PEX2: variants seen among roughly 807,000 people sequenced by gnomAD.
PEX2 encodes peroxisomal biogenesis factor 2, also known as peroxisome biogenesis factor 2.
PEX2 carries 19 observed loss-of-function variants against 25.2 expected under a neutral mutation model. The observed-to-expected ratio is 0.75, with a 90% confidence interval of 0.53 to 1.10. PEX2 has a LOEUF of 1.10. Among genes scored for constraint, PEX2 ranks in the 50% least tolerant of loss-of-function variants. The pLI is 0.00. For synonymous variants in PEX2, 141 were observed against 127.7 expected, an observed-to-expected ratio of 1.10 and a Z score of -0.70; for missense variants, 347 against 350.6, an observed-to-expected ratio of 0.99 and a Z score of 0.08.
Position 76,982,888 on chromosome 8 carries a change from T to C in PEX2, c.*373A>G, listed in dbSNP as rs540996249. The C allele has an allele frequency of 3.6e-6, 1 of 278,656 alleles. No individual in the cohort carries two copies. Among genetic ancestry groups the C allele is most frequent in the African/African-American group, 2.3e-5 (1 of 44,028 alleles). The allele number at this position is 278,656 out of a possible 1,614,324, so 17.3% of individuals were successfully genotyped here. A position where few individuals can be genotyped will look rare whatever the true frequency, so the allele number is the denominator to read the frequency against. On this transcript the variant is annotated 3_prime_UTR_variant, in exon 4 of 4. Coordinates refer to ENST00000357039, the MANE Select transcript of PEX2 (RefSeq NM_000318.3). Reference sequence around the variant, plus strand: ...TCTCATAATTGTCACATTATCATATTATGTCAACTCTGAAAATAAATGCAC... The same window carrying C: ...TCTCATAATTGTCACATTATCATATCATGTCAACTCTGAAAATAAATGCAC...
In PEX2 at chr8:76,984,147, G is replaced by T. The variant is rs1806935405; in HGVS notation, c.32C>A (p.Ala11Glu). 6.2e-7 allele frequency: 1 copy of T among 1,614,044 alleles called. No individual in the cohort carries two copies. Among genetic ancestry groups the T allele is most frequent in the Admixed American group, 1.7e-5 (1 of 60,004 alleles). The change falls in exon 4 of 4, where the codon GCA (alanine) becomes GAA (glutamate). Residue 11 changes from alanine to glutamate, a missense_variant. Transcript: ENST00000357039. ...CTGGCTTATTCTTAGCACTCTGTTT[G>T]CACTCTTCGCATTCTCTTTTCTGGA... MASRKENAKS[A>E]NRVLRISQLD...
At chr8:76,987,650 G>T (rs1364936117) in intron 2 of PEX2, among the ~76,000 whole-genome samples, 2 of 152,162 alleles carry the variant, frequency 1.3e-5, no homozygotes, top group Non-Finnish European at 2.9e-5. Context: ...TTAACAGGTT[G>T]TTAAAATGAT....
intron 1 of PEX2, among the ~76,000 whole-genome samples, chr8:76,996,328 G>T (rs145141589): frequency 1.3e-5 from 2 of 152,198 alleles, no homozygotes; most frequent in Non-Finnish European, 2.9e-5. Context: ...GGTGCAAAGA[G>T]ATTAGATGAC....
chr8:77,000,240 A>C (rs934713559), upstream of PEX2: 2 of 300,266 alleles, frequency 6.7e-6, no homozygotes, highest in Non-Finnish European at 1.3e-5. Flanking sequence ...CGAAGAGCCG[A>C]AGGGCCGAAA....
chr8:76,983,911 A>T lies in PEX2; in HGVS notation c.268T>A (p.Ser90Thr), dbSNP rs1160490314. The T allele has an allele frequency of 1.2e-6, 2 of 1,614,178 alleles. No individual in the cohort carries two copies. The highest frequency in any genetic ancestry group is 1.7e-5 in the Admixed American group (1 of 60,010). The part of the protein sequence containing the change: ...VLNIKYKNDF[S>T]PNLRYQPPSK... ...GGTGGCTGATATCTCAGGTTAGGGG[A>T]AAAATCATTTTTGTACTTAATATTC... The change falls in exon 4 of 4, where the codon TCC (serine) becomes ACC (threonine). Residue 90 changes from serine to threonine, a missense_variant. Coordinates refer to ENST00000357039, the MANE Select transcript of PEX2 (RefSeq NM_000318.3).
At chr8:76,985,477 G>A (rs1044049019) in intron 3 of PEX2, among the ~76,000 whole-genome samples, 2 of 152,122 alleles carry the variant, frequency 1.3e-5, no homozygotes, top group African/African-American at 2.4e-5. Flanking sequence ...ATACACACAG[G>A]TGGTAAGTAA....
chr8:76,990,216 AAG>A (rs1807127406), intron 1 of PEX2, among the ~76,000 whole-genome samples: 1 of 152,282 alleles, frequency 6.6e-6, no homozygotes. Context: ...TAAAGAATTG[AAG>A]AGAGTTAGGA....
chr8:76,993,837 G>A (rs903310514), intron 1 of PEX2, among the ~76,000 whole-genome samples: 1 of 151,988 alleles, frequency 6.6e-6, no homozygotes. Flanking sequence ...CCAGGGGAGG[G>A]GAGAGAGATA....
chr8:76,983,977 T>C lies in PEX2; in HGVS notation c.202A>G (p.Thr68Ala), dbSNP rs1586070125. The C allele has an allele frequency of 6.2e-7, 1 of 1,614,096 alleles. No individual in the cohort carries two copies. Among genetic ancestry groups the C allele is most frequent in the East Asian group, 2.2e-5 (1 of 44,876 alleles). Residue 68 changes from threonine to alanine, a missense_variant, in exon 4 of 4, where the codon ACC becomes GCC. Coordinates refer to ENST00000357039, the MANE Select transcript of PEX2 (RefSeq NM_000318.3). Reference sequence around the variant, plus strand: ...ACTGTGGCATTTTTGGAGTAGATGGTGAATCTCCACAAGAAAACCCATAAG... The same window carrying C: ...ACTGTGGCATTTTTGGAGTAGATGGCGAATCTCCACAAGAAAACCCATAAG... ...ACLWVFLWRFTIYSKNATVGQ... is the reference protein window; with the variant it reads ...ACLWVFLWRFAIYSKNATVGQ...
At position 76,983,694 on chromosome 8, in the gene PEX2, T is replaced by G. The variant is rs1247062571; in HGVS notation, c.485A>C (p.Lys162Thr). ...INFLIFLQRGKFATLTERLLG... is the reference protein window; with the variant it reads ...INFLIFLQRGTFATLTERLLG... The stretch of plus-strand genomic sequence containing the variant: ...GAGACGTTCTGTCAAAGTTGCAAAC[T>G]TTCCCCTCTGAAGGAAAATCAAAAA... The change falls in exon 4 of 4, where the codon AAG (lysine) becomes ACG (threonine). Residue 162 changes from lysine to threonine, a missense_variant. Coordinates refer to ENST00000357039, the MANE Select transcript of PEX2 (RefSeq NM_000318.3). 1 of 1,614,102 alleles carries G rather than the reference T, an allele frequency of 6.2e-7. No homozygotes were observed. The highest frequency in any genetic ancestry group is 8.5e-7 in the Non-Finnish European group (1 of 1,180,008).
At chr8:76,994,373 C>T (rs1807260617) in intron 1 of PEX2, among the ~76,000 whole-genome samples, 1 of 152,032 alleles carries the variant, frequency 6.6e-6, no homozygotes, top group African/African-American at 2.4e-5. Context: ...TCTTTAAAAA[C>T]ATGTTATTGA....
intron 1 of PEX2, among the ~76,000 whole-genome samples, chr8:76,997,292 G>A (rs947486477): frequency 3.3e-5 from 5 of 152,194 alleles, no homozygotes; most frequent in African/African-American, 9.6e-5. Context: ...CAAGGTAGAG[G>A]TAATGCCAAC....
chr8:76,992,131 A>G (rs781144665), intron 1 of PEX2, among the ~76,000 whole-genome samples: 1 of 152,202 alleles, frequency 6.6e-6, no homozygotes, highest in Non-Finnish European at 1.5e-5. Flanking sequence ...GGGCAGAGAT[A>G]TGATGGTTCA....
At chr8:76,994,479 C>G (rs1271261948) in intron 1 of PEX2, among the ~76,000 whole-genome samples, 1 of 152,050 alleles carries the variant, frequency 6.6e-6, no homozygotes, top group African/African-American at 2.4e-5. Context: ...AGCTATAATA[C>G]CATGTAACAT....
intron 1 of PEX2, among the ~76,000 whole-genome samples, chr8:76,995,215 T>C (rs1186609895): frequency 6.6e-6 from 1 of 152,240 alleles, no homozygotes; most frequent in African/African-American, 2.4e-5. Flanking sequence ...TAATAGTTTA[T>C]AGACACCTGA....
rs1563607175 is a variant in PEX2 at position 76,984,211 on chromosome 8, A to G, written c.-17-16T>C. 3.8e-6 allele frequency: 6 copies of G among 1,598,876 alleles called. No homozygotes were observed. Among genetic ancestry groups the G allele is most frequent in the Non-Finnish European group, 4.3e-6 (5 of 1,166,634 alleles). On this transcript the variant is annotated splice_polypyrimidine_tract_variant and intron_variant, in intron 3 of 3. Coordinates refer to ENST00000357039, the MANE Select transcript of PEX2 (RefSeq NM_000318.3). The stretch of plus-strand genomic sequence containing the variant: ...CTGAAGGTCTCTAGGAAAAAATACA[A>G]TTGAAGAACATTAGCAAAGAGTTGC...
chr8:76,992,399 A>G (rs1807198208), intron 1 of PEX2, among the ~76,000 whole-genome samples: 1 of 152,160 alleles, frequency 6.6e-6, no homozygotes, highest in Admixed American at 6.5e-5. Flanking sequence ...TCACCAGCAT[A>G]TTACATTCAG....
chr8:76,981,680 A>T lies in PEX2; in HGVS notation c.*1581T>A, dbSNP rs1214852177. 1.3e-5 allele frequency: 2 copies of T among 152,168 alleles called. No homozygotes were observed. The highest frequency in any genetic ancestry group is 1.5e-5 in the Non-Finnish European group (1 of 68,042). 9.4% of individuals were successfully genotyped at this position (152,168 alleles called of 1,614,324 possible). ...ATTATAATAATTTTGTAAATAAGAA[A>T]TGTACGTGCAACAAATCTACAAATA... On this transcript the variant is annotated 3_prime_UTR_variant, in exon 4 of 4. Coordinates refer to ENST00000357039, the MANE Select transcript of PEX2 (RefSeq NM_000318.3).
intron 1 of PEX2, among the ~76,000 whole-genome samples, chr8:76,997,540 G>A (rs1304667460): frequency 6.6e-6 from 1 of 152,182 alleles, no homozygotes; most frequent in Non-Finnish European, 1.5e-5. Context: ...CTGCACTCCA[G>A]CCTGGGCAAC....
Sources: allele counts gnomAD v4.1 joint callset (sites outside exome capture counted in the v4.1 genomes callset), GRCh38; gene constraint gnomAD v4.1.1; transcripts MANE v1.5; gene names NCBI Gene and HGNC (gene_info 2026-07-23, HGNC 2026-07-21).